Variants in ANAPC10 observed in about 807,000 individuals in gnomAD.
ANAPC10 encodes the protein anaphase promoting complex subunit 10.
Under a neutral mutation model 22.0 loss-of-function variants are expected in ANAPC10, and 12 were observed. The observed-to-expected ratio is 0.55, with a 90% CI of 0.35 to 0.88. The LOEUF (loss-of-function observed/expected upper bound fraction) is 0.88. ANAPC10 is among the 40% of genes least tolerant of loss of function. The pLI is 0.01. For missense variants in ANAPC10, 188 were observed against 220.9 expected (o/e 0.85, Z 0.94); for synonymous variants, 65 against 69.5 (o/e 0.94, Z 0.32).
intron 2 of ANAPC10, among the ~76,000 whole-genome samples, chr4:145,085,881 TA>T (rs1189940963): frequency 6.6e-6 from 1 of 151,406 alleles, no homozygotes; most frequent in Admixed American, 6.6e-5. Flanking sequence ...TTTTTTTTTT[TA>T]AGATGGAGTC....
intron 4 of ANAPC10, among the ~76,000 whole-genome samples, chr4:145,005,598 G>C (rs944247198): frequency 6.6e-6 from 1 of 152,114 alleles, no homozygotes; most frequent in Admixed American, 6.6e-5. Context: ...TGGGCATTTA[G>C]TGCTATAAAC....
rs149594872 is a variant in ANAPC10 at position 145,068,668 on chromosome 4, T to C, written c.207-3976A>G. ...GGCACACGCCTGTAATCCCAGCACT[T>C]TGGGAGGCTGAGGCAGGCAGATCAC... On this transcript the variant is annotated intron_variant, in intron 3 of 4. Coordinates refer to ENST00000507656, the MANE Select transcript of ANAPC10 (RefSeq NM_001256706.2). Among the ~76,000 whole-genome samples, 406 of 152,280 alleles carry C rather than the reference T, an allele frequency of 2.7e-3. 1 individual carries two copies. Among genetic ancestry groups the C allele is most frequent in the African/African-American group, 9.4e-3 (392 of 41,550 alleles).
At chr4:145,081,364 AAT>A (rs1368627180) in intron 3 of ANAPC10, among the ~76,000 whole-genome samples, 1 of 152,146 alleles carries the variant, frequency 6.6e-6, no homozygotes, top group Non-Finnish European at 1.5e-5. Flanking sequence ...CCATAAGCAA[AAT>A]ATATCTTTCT....
chr4:145,050,184 C>A (rs543258227), intron 4 of ANAPC10, among the ~76,000 whole-genome samples: 1 of 152,180 alleles, frequency 6.6e-6, no homozygotes, highest in Non-Finnish European at 1.5e-5. Context: ...CCATGGGCTG[C>A]AGAATACATG....
chr4:145,018,618 C>T (rs1735560105), intron 4 of ANAPC10, among the ~76,000 whole-genome samples: 1 of 150,510 alleles, frequency 6.6e-6, no homozygotes, highest in African/African-American at 2.4e-5. Flanking sequence ...GCCTGGGTGA[C>T]AGAGCGAGAC....
At chr4:145,006,879 C>G (rs553186993) in intron 4 of ANAPC10, among the ~76,000 whole-genome samples, 110 of 152,138 alleles carry the variant, frequency 7.2e-4, no homozygotes, top group Non-Finnish European at 1.3e-3. Flanking sequence ...GCAGAGACTC[C>G]TCTGTATGTT....
intron 4 of ANAPC10, among the ~76,000 whole-genome samples, chr4:145,042,764 G>C (rs1020370092): frequency 6.6e-6 from 1 of 151,874 alleles, no homozygotes; most frequent in Non-Finnish European, 1.5e-5. Flanking sequence ...AGCAGACACT[G>C]ATGTTCACAC....
intron 2 of ANAPC10, among the ~76,000 whole-genome samples, chr4:145,093,651 A>C (rs1439798535): frequency 6.6e-6 from 1 of 152,218 alleles, no homozygotes; most frequent in East Asian, 1.9e-4. Flanking sequence ...TCTACGAGTC[A>C]AATGGAAGAG....
At chr4:145,054,630 TGTGTGTGTGTGC>T (rs1331206044) in intron 4 of ANAPC10, among the ~76,000 whole-genome samples, 3,706 of 124,950 alleles carry the variant, frequency 0.03, 171 homozygotes, top group African/African-American at 0.1. Context: ...TGTGTGTGTG[TGTGTGTGTGTGC>T]GCGCGCGCGC....
chr4:145,002,843 G>A (rs943583204), intron 4 of ANAPC10, among the ~76,000 whole-genome samples: 1 of 151,974 alleles, frequency 6.6e-6, no homozygotes, highest in African/African-American at 2.4e-5. Context: ...TATTATTTTT[G>A]TTGTAAAAGG....
rs748838277 is a variant in ANAPC10 at position 144,995,405 on chromosome 4, T to C, written c.526A>G (p.Ile176Val). Residue 176 changes from isoleucine to valine, a missense_variant, in exon 5 of 5, where the codon ATA becomes GTA. Coordinates refer to ENST00000507656, the MANE Select transcript of ANAPC10 (RefSeq NM_001256706.2). ...ATTGAACGATACATCATGAAATCTATAGTTGTACATCTAGGAAATTTACCA... is the reference window on the plus strand; with the variant it reads ...ATTGAACGATACATCATGAAATCTACAGTTGTACATCTAGGAAATTTACCA... Reference protein sequence around the residue: ...SIGKFPRCTTIDFMMYRSIR With the variant: ...SIGKFPRCTTVDFMMYRSIR The C allele has an allele frequency of 1.7e-5, 27 of 1,612,766 alleles. No individual in the cohort carries two copies. Among genetic ancestry groups the C allele is most frequent in the South Asian group, 4.4e-5 (4 of 90,960 alleles).
intron 4 of ANAPC10, among the ~76,000 whole-genome samples, chr4:145,041,747 T>G (rs1739550402): frequency 6.6e-6 from 1 of 152,188 alleles, no homozygotes; most frequent in African/African-American, 2.4e-5. Context: ...TAAAATTTAA[T>G]AACTGGTTCC....
intron 4 of ANAPC10, among the ~76,000 whole-genome samples, chr4:145,042,078 A>G (rs1042052462): frequency 6.6e-6 from 1 of 152,154 alleles, no homozygotes; most frequent in African/African-American, 2.4e-5. Flanking sequence ...TAAGTTCCCT[A>G]TTATCTGGTA....
chr4:145,037,514 C>G (rs1363814237), intron 4 of ANAPC10, among the ~76,000 whole-genome samples: 1 of 152,054 alleles, frequency 6.6e-6, no homozygotes, highest in Admixed American at 6.5e-5. Context: ...AGAAAACAGG[C>G]TATTTGATAT....
At chr4:145,035,239 C>G (rs753064193) in intron 4 of ANAPC10, 1 of 152,190 alleles carries the variant, frequency 6.6e-6, no homozygotes, top group Non-Finnish European at 1.5e-5. Flanking sequence ...CCTCACTGCT[C>G]TGTGTGCATC....
intron 4 of ANAPC10, among the ~76,000 whole-genome samples, chr4:145,059,418 C>T (rs931415642): frequency 2.6e-5 from 4 of 151,908 alleles, no homozygotes; most frequent in African/African-American, 9.7e-5. Flanking sequence ...TTTCAAGCCT[C>T]CTTTTAAAAA....
rs149560000 is a variant in ANAPC10 at position 145,083,162 on chromosome 4, A to G, written c.116-1412T>C. Among the ~76,000 whole-genome samples the G allele has an allele frequency of 3.3e-5, 5 of 152,322 alleles. No homozygotes were observed. The East Asian group carries it at 7.7e-4, about 23-fold the overall frequency. On this transcript the variant is annotated intron_variant, in intron 2 of 4. Transcript: ENST00000507656. ...TATCAATAAATTAACAACAATAATA[A>G]CAATAACAAACACTGATATCACATT... is the stretch of plus-strand genomic sequence containing the variant.
chr4:145,041,421 G>C (rs551781553), intron 4 of ANAPC10, among the ~76,000 whole-genome samples: 1 of 152,176 alleles, frequency 6.6e-6, no homozygotes. Flanking sequence ...GATAACTGAG[G>C]AGAAAAAGCA....
chr4:145,018,645 G>A (rs1414601755), intron 4 of ANAPC10, among the ~76,000 whole-genome samples: 8 of 146,376 alleles, frequency 5.5e-5, no homozygotes, highest in South Asian at 2.1e-4. Context: ...TCAAAATCTC[G>A]AAATCTAAAA....
Sources: gnomAD v4.1 joint callset for allele counts (sites outside exome capture counted in the v4.1 genomes callset) on GRCh38, gnomAD v4.1.1 for gene constraint, MANE v1.5 for transcripts, NCBI Gene and HGNC (gene_info 2026-07-23, HGNC 2026-07-21) for gene names.